The following MPPED2 variants were observed in gnomAD, a reference collection of about 807,000 sequenced individuals.
MPPED2 encodes metallophosphoesterase MPPED2.
MPPED2 carries 5 observed loss-of-function variants against 33.0 expected under a neutral mutation model. That is an observed-to-expected ratio of 0.15 (90% confidence interval 0.08 to 0.32). The LOEUF is 0.32. Ranked by LOEUF, MPPED2 falls within the 10% of genes least tolerant of loss-of-function variation. MPPED2 has a pLI of 1.00. For synonymous variants in MPPED2, 136 were observed against 141.9 expected (o/e 0.96, Z 0.29); for missense variants, 275 against 372.1 (o/e 0.74, Z 2.15).
chr11:30,434,479 A>G (rs1337904806), intron 4 of MPPED2, among the ~76,000 whole-genome samples: 2 of 152,232 alleles, frequency 1.3e-5, no homozygotes, highest in Non-Finnish European at 2.9e-5. Flanking sequence ...AACTGGATCC[A>G]CAGATCATCC....
At position 30,536,295 on chromosome 11, in the gene MPPED2, G is replaced by A. The variant is rs141260602; in HGVS notation, c.129-120C>T. 1.8e-4 allele frequency: 151 copies of A among 842,190 alleles called. No individual in the cohort carries two copies. In the African/African-American group the frequency reaches 2.4e-3, roughly 13 times the overall value. 52.2% of individuals were successfully genotyped at this position (842,190 alleles called of 1,614,324 possible). A position where few individuals can be genotyped will look rare whatever the true frequency, so the allele number is the denominator to read the frequency against. Reference sequence around the variant, plus strand: ...ACCCAGACAAACTGACGCAAAGGCAGAAGGGCCCACTGTAATTAAGGACAC... The same window carrying A: ...ACCCAGACAAACTGACGCAAAGGCAAAAGGGCCCACTGTAATTAAGGACAC... On this transcript the variant is annotated intron_variant, in intron 2 of 6. Coordinates refer to ENST00000358117, the MANE Select transcript of MPPED2 (RefSeq NM_001584.3).
chr11:30,401,136 T>C (rs1055545659), intron 6 of MPPED2, among the ~76,000 whole-genome samples: 4 of 152,198 alleles, frequency 2.6e-5, no homozygotes, highest in Admixed American at 6.5e-5. Flanking sequence ...CCAAAAAGTG[T>C]TATAAAAATA....
At chr11:30,528,389 G>A (rs1203287990) in intron 3 of MPPED2, among the ~76,000 whole-genome samples, 1 of 151,970 alleles carries the variant, frequency 6.6e-6, no homozygotes, top group Admixed American at 6.6e-5. Context: ...TTGAGTAGCT[G>A]GAGCTATAGG....
chr11:30,498,772 T>C (rs74370608), intron 3 of MPPED2, among the ~76,000 whole-genome samples: 3,565 of 152,274 alleles, frequency 0.023, 69 homozygotes, highest in Admixed American at 0.057. Flanking sequence ...CTTTTTTCTA[T>C]CTTTATATGT....
At chr11:30,415,577 A>G (rs1414601962) in intron 5 of MPPED2, among the ~76,000 whole-genome samples, 1 of 152,150 alleles carries the variant, frequency 6.6e-6, no homozygotes, top group Admixed American at 6.5e-5. Context: ...CCCAATAGCT[A>G]TATTAACTAA....
exon 7 of MPPED2, chr11:30,387,493 G>C (rs1947717384): frequency 6.6e-6 from 1 of 152,408 alleles, no homozygotes; most frequent in South Asian, 2.1e-4. Context: ...TAGGAAACGA[G>C]AGTAGCCTCA....
intron 4 of MPPED2, among the ~76,000 whole-genome samples, chr11:30,452,833 C>T (rs949368484): frequency 6.6e-6 from 1 of 151,908 alleles, no homozygotes; most frequent in Non-Finnish European, 1.5e-5. Flanking sequence ...CATTATTCTA[C>T]GTGGCTCTGC....
intron 3 of MPPED2, among the ~76,000 whole-genome samples, chr11:30,512,317 G>A (rs760477974): frequency 1.3e-5 from 2 of 151,974 alleles, no homozygotes; most frequent in Non-Finnish European, 2.9e-5. Flanking sequence ...TTTTTCCCTC[G>A]GCTCTGCCAA....
chr11:30,584,349 C>CACAA (rs775104239), intron 1 of MPPED2: 4 of 68,482 alleles, frequency 5.8e-5, no homozygotes, highest in African/African-American at 1.7e-4. Flanking sequence ...ACTACACACA[C>CACAA]ACACACACAC....
At chr11:30,416,216 C>T (rs146456625) in intron 5 of MPPED2, among the ~76,000 whole-genome samples, 31 of 152,356 alleles carry the variant, frequency 2.0e-4, no homozygotes, top group Middle Eastern at 3.4e-3. Context: ...ACTGCTGATC[C>T]TGTGCAAATC....
At chr11:30,552,129 T>A (rs1170452056) in intron 2 of MPPED2, among the ~76,000 whole-genome samples, 1 of 152,170 alleles carries the variant, frequency 6.6e-6, no homozygotes, top group Admixed American at 6.5e-5. Context: ...CTCTTAAAAT[T>A]ATTATTCATC....
downstream of MPPED2, among the ~76,000 whole-genome samples, chr11:30,405,709 G>A (rs746352101): frequency 8.5e-5 from 13 of 152,158 alleles, no homozygotes; most frequent in African/African-American, 2.4e-5. Flanking sequence ...CTCGTGACGG[G>A]CTGTGGCCAT....
At chr11:30,402,796 C>T (rs1018983430) in intron 6 of MPPED2, among the ~76,000 whole-genome samples, 4 of 152,140 alleles carry the variant, frequency 2.6e-5, no homozygotes, top group African/African-American at 7.2e-5. Flanking sequence ...GGAAAATGAC[C>T]TATTAAATAA....
At chr11:30,550,469 A>T (rs1955652401) in intron 2 of MPPED2, among the ~76,000 whole-genome samples, 1 of 152,220 alleles carries the variant, frequency 6.6e-6, no homozygotes, top group Admixed American at 6.5e-5. Flanking sequence ...ATGTGAGAAT[A>T]GTCAGGAATT....
chr11:30,440,691 T>C (rs1219009260), intron 4 of MPPED2, among the ~76,000 whole-genome samples: 3 of 152,218 alleles, frequency 2.0e-5, no homozygotes, highest in Middle Eastern at 3.2e-3. Context: ...CCAGTGTTTT[T>C]TCCACTGCAG....
chr11:30,583,425 C>T (rs1471208816), intron 1 of MPPED2, among the ~76,000 whole-genome samples: 1 of 152,094 alleles, frequency 6.6e-6, no homozygotes, highest in Non-Finnish European at 1.5e-5. Flanking sequence ...AACACACTTT[C>T]CACAAAACAA....
chr11:30,572,986 C>T (rs192331114), intron 2 of MPPED2, among the ~76,000 whole-genome samples: 31 of 152,184 alleles, frequency 2.0e-4, no homozygotes, highest in Middle Eastern at 6.8e-3. Flanking sequence ...TCAGAGAGGC[C>T]CTACTTGCTA....
At position 30,583,134 on chromosome 11, in the gene MPPED2, C is replaced by CTTTTTTTCTTTTTTTTTTT. The variant is rs1554919022; in HGVS notation, c.-121-2641_-121-2640insAAAAAAAAAAAGAAAAAAA. Among the ~76,000 whole-genome samples the CTTTTTTTCTTTTTTTTTTT allele has an allele frequency of 2.6e-3, 247 of 96,612 alleles. 11 individuals carry two copies. The highest frequency in any genetic ancestry group is 3.2e-3 in the South Asian group (9 of 2,780). 63.4% of individuals were successfully genotyped at this position (96,612 alleles called of 152,430 possible). ...CACAAACACCTGGAAAAGACTTTTT[C>CTTTTTTTCTTTTTTTTTTT]TTTTTTTTTTTTTTTTTTTTTTTTT... On this transcript the variant is annotated intron_variant, in intron 1 of 6. Coordinates refer to ENST00000358117, the MANE Select transcript of MPPED2 (RefSeq NM_001584.3).
chr11:30,428,451 A>T (rs1590225856), intron 4 of MPPED2, among the ~76,000 whole-genome samples: 1 of 152,134 alleles, frequency 6.6e-6, no homozygotes, highest in Non-Finnish European at 1.5e-5. Flanking sequence ...AGGTGGGAGG[A>T]TCCCTTGAGC....
Sources: allele counts gnomAD v4.1 joint callset (sites outside exome capture counted in the v4.1 genomes callset), GRCh38; gene constraint gnomAD v4.1.1; transcripts MANE v1.5; gene names NCBI Gene and HGNC (gene_info 2026-07-23, HGNC 2026-07-21).